GSE1: variants seen among roughly 807,000 people sequenced by gnomAD.
GSE1 encodes the protein Gse1 coiled-coil protein.
In GSE1, 32 loss-of-function variants were observed where a neutral mutation model predicts 112.6. That is an observed-to-expected ratio of 0.28 (90% CI 0.21 to 0.38). The LOEUF (loss-of-function observed/expected upper bound fraction) is 0.38, where lower values mean the gene tolerates loss of function less well. Among genes scored for constraint, GSE1 ranks in the 10% least tolerant of loss-of-function variants. GSE1 has a pLI of 1.00. For missense variants in GSE1, 2,348 were observed against 1,699.2 expected, an observed-to-expected ratio of 1.38 and a Z score of -6.71; for synonymous variants, 1,115 against 735.6, an observed-to-expected ratio of 1.52 and a Z score of -8.35.
At chr16:85,355,059 G>A (rs2151567230) in intron 1 of GSE1, among the ~76,000 whole-genome samples, 1 of 152,324 alleles carries the variant, frequency 6.6e-6, no homozygotes, top group South Asian at 2.1e-4. Context: ...GCTGTGGTCT[G>A]GCCAGTGTCA....
chr16:85,639,908 G>A (rs959627021), intron 2 of GSE1, among the ~76,000 whole-genome samples: 1 of 152,170 alleles, frequency 6.6e-6, no homozygotes, highest in African/African-American at 2.4e-5. Context: ...GGAGCCTTGC[G>A]TGTCCTCAGC....
intron 1 of GSE1, among the ~76,000 whole-genome samples, chr16:85,236,643 C>T (rs1904696602): frequency 6.6e-6 from 1 of 152,244 alleles, no homozygotes; most frequent in African/African-American, 2.4e-5. Flanking sequence ...TCCCAACAGC[C>T]TGTATTTCTT....
chr16:85,529,385 A>G (rs1460164888), intron 2 of GSE1, among the ~76,000 whole-genome samples: 2 of 152,218 alleles, frequency 1.3e-5, no homozygotes, highest in African/African-American at 4.8e-5. Context: ...TAGCTCCTAC[A>G]CAGTATTTTA....
intron 2 of GSE1, among the ~76,000 whole-genome samples, chr16:85,369,699 G>A (rs2047255223): frequency 6.6e-6 from 1 of 152,182 alleles, no homozygotes; most frequent in Non-Finnish European, 1.5e-5. Context: ...TAGACTCCGG[G>A]GATTAGATGT....
chr16:85,378,105 C>T lies in GSE1; in HGVS notation c.2464+20462C>T, dbSNP rs550224255. Among the ~76,000 whole-genome samples the T allele has an allele frequency of 1.2e-4, 19 of 152,296 alleles. No homozygotes were observed. The East Asian group carries it at 2.9e-3, about 23-fold the overall frequency. ...CCCACCCCCATCCCCCGCCACCACC[C>T]GGTGCCAGGGCTCGGGGCAGGGCCC... On this transcript the variant is annotated intron_variant, in intron 2 of 2. Transcript: ENST00000637419.
At chr16:85,404,923 G>T (rs1175764711) in intron 2 of GSE1, among the ~76,000 whole-genome samples, 278 of 27,992 alleles carry the variant, frequency 9.9e-3, no homozygotes, top group Non-Finnish European at 0.014. Flanking sequence ...TTACTCTCAG[G>T]CCCCCCTGGA....
At chr16:85,194,569 G>A (rs1044693006) in intron 1 of GSE1, among the ~76,000 whole-genome samples, 3 of 152,162 alleles carry the variant, frequency 2.0e-5, no homozygotes, top group South Asian at 2.1e-4. Context: ...CCTTAGCAGG[G>A]CCCCATGTGT....
intron 2 of GSE1, among the ~76,000 whole-genome samples, chr16:85,380,459 A>G (rs2047520739): frequency 6.6e-6 from 1 of 152,082 alleles, no homozygotes; most frequent in African/African-American, 2.4e-5. Flanking sequence ...TAGCGTAGGG[A>G]ACCATTTGGT....
rs112619450 is a variant in GSE1, at chr16:85,519,796, A to G, written c.2465-114118A>G. On this transcript the variant is annotated intron_variant, in intron 2 of 2. Transcript: ENST00000637419. ...ACCGTTGTCATCACCACAACCAGCAATTGTGGTCACTGTCATCGTCATTCA... is the reference window on the plus strand; with the variant it reads ...ACCGTTGTCATCACCACAACCAGCAGTTGTGGTCACTGTCATCGTCATTCA... Among the ~76,000 whole-genome samples, 607 of 152,322 alleles carry G rather than the reference A, an allele frequency of 4.0e-3. 3 individuals carry two copies. The highest frequency in any genetic ancestry group is 0.013 in the African/African-American group (544 of 41,582).
chr16:85,230,599 C>T (rs1055296857), intron 1 of GSE1, among the ~76,000 whole-genome samples: 1 of 152,326 alleles, frequency 6.6e-6, no homozygotes, highest in East Asian at 1.9e-4. Flanking sequence ...CGCATGCTGT[C>T]GGAGATGGCC....
chr16:85,655,345 C>CT (rs2051827437), intron 5 of GSE1, among the ~76,000 whole-genome samples: 1 of 152,218 alleles, frequency 6.6e-6, no homozygotes, highest in Non-Finnish European at 1.5e-5. Context: ...GTGGTCTGGC[C>CT]TGGGTCCGTG....
At chr16:85,209,538 C>T (rs1251878039) in intron 1 of GSE1, among the ~76,000 whole-genome samples, 2 of 152,186 alleles carry the variant, frequency 1.3e-5, no homozygotes, top group Non-Finnish European at 2.9e-5. Flanking sequence ...CCATCGCTGC[C>T]CCACATTAGG....
chr16:85,258,424 C>G (rs1434346591), intron 1 of GSE1, among the ~76,000 whole-genome samples: 1 of 152,232 alleles, frequency 6.6e-6, no homozygotes, highest in Non-Finnish European at 1.5e-5. Flanking sequence ...CGTTCTTCCA[C>G]TGAACACATT....
intron 2 of GSE1, among the ~76,000 whole-genome samples, chr16:85,525,261 C>A (rs1379589907): frequency 6.9e-6 from 1 of 144,764 alleles, no homozygotes; most frequent in Non-Finnish European, 1.5e-5. Flanking sequence ...CCCCCCCCCA[C>A]TGATGGTGAG....
At chr16:85,586,394 G>C (rs758116034) in intron 1 of GSE1, among the ~76,000 whole-genome samples, 1 of 152,108 alleles carries the variant, frequency 6.6e-6, no homozygotes, top group Non-Finnish European at 1.5e-5. Flanking sequence ...GCCGAGTGCC[G>C]GGAGGGACAG....
At chr16:85,275,624 C>T (rs1909281823) in intron 1 of GSE1, among the ~76,000 whole-genome samples, 2 of 152,180 alleles carry the variant, frequency 1.3e-5, no homozygotes, top group Non-Finnish European at 1.5e-5. Flanking sequence ...TCCTTGGGGT[C>T]AAAGTTGATT....
At chr16:85,249,286 C>A (rs962547698) in intron 1 of GSE1, among the ~76,000 whole-genome samples, 9 of 152,252 alleles carry the variant, frequency 5.9e-5, no homozygotes, top group Admixed American at 5.9e-4. Context: ...TGACTTGGCC[C>A]CTTCCCTAGG....
At chr16:85,290,134 C>T (rs561249824) in intron 1 of GSE1, among the ~76,000 whole-genome samples, 10 of 152,114 alleles carry the variant, frequency 6.6e-5, no homozygotes, top group Non-Finnish European at 1.5e-4. Flanking sequence ...GTTTGGATGC[C>T]AGTTATTGGA....
chr16:85,426,103 G>GAGGA lies in GSE1; in HGVS notation c.2464+68480_2464+68483dup, dbSNP rs56068516. On this transcript the variant is annotated intron_variant, in intron 2 of 2. Coordinates refer to the GSE1 transcript ENST00000637419. The stretch of plus-strand genomic sequence containing the variant: ...GATGGATGGGTGAATGAGAGGGAGG[G>GAGGA]AGGAAGGAAGGAAGGAAGGAAGGGT... Among the ~76,000 whole-genome samples the GAGGA allele has an allele frequency of 2.9e-3, 430 of 145,842 alleles. 3 individuals are homozygous for GAGGA. The highest frequency in any genetic ancestry group is 0.01 in the African/African-American group (406 of 39,416).
Sources: gnomAD v4.1 joint callset for allele counts (sites outside exome capture counted in the v4.1 genomes callset) on GRCh38, gnomAD v4.1.1 for gene constraint, MANE v1.5 for transcripts, NCBI Gene and HGNC (gene_info 2026-07-23, HGNC 2026-07-21) for gene names.